Variants in RBFOX1 observed in about 807,000 individuals in gnomAD.
RBFOX1 encodes the protein RNA binding fox-1 homolog 1, also known as RNA binding protein fox-1 homolog 1.
RBFOX1 carries 8 observed loss-of-function variants against 57.7 expected under a neutral mutation model. The ratio of observed to expected loss-of-function variants is 0.14; its 90% confidence interval spans 0.08 to 0.25. RBFOX1 has a LOEUF of 0.25. RBFOX1 is among the 10% of genes least tolerant of loss of function. RBFOX1 has a pLI of 1.00. For synonymous variants in RBFOX1, 326 were observed against 222.4 expected (o/e 1.47, Z -4.15); for missense variants, 611 against 548.5 (o/e 1.11, Z -1.14).
intron 5 of RBFOX1, among the ~76,000 whole-genome samples, chr16:7,548,786 G>T (rs1032514577): frequency 6.6e-6 from 1 of 152,212 alleles, no homozygotes; most frequent in Non-Finnish European, 1.5e-5. Flanking sequence ...GTCTGGAGTT[G>T]TCAGCCTGGC....
At chr16:5,943,389 G>T (rs904078746) in intron 4 of RBFOX1, among the ~76,000 whole-genome samples, 1 of 152,076 alleles carries the variant, frequency 6.6e-6, no homozygotes, top group Non-Finnish European at 1.5e-5. Flanking sequence ...GGTTTCCCTG[G>T]GTCCACATAC....
At chr16:6,736,420 T>C (rs2070325415) in intron 3 of RBFOX1, among the ~76,000 whole-genome samples, 1 of 152,228 alleles carries the variant, frequency 6.6e-6, no homozygotes. Context: ...TGGTTTTCCA[T>C]TCCTGAGTTA....
chr16:6,255,749 G>A (rs2097657260), intron 1 of RBFOX1, among the ~76,000 whole-genome samples: 1 of 152,038 alleles, frequency 6.6e-6, no homozygotes, highest in Non-Finnish European at 1.5e-5. Flanking sequence ...GCAGGGACAT[G>A]GATGAAGCTG....
chr16:5,598,663 A>G (rs1234199870), intron 2 of RBFOX1, among the ~76,000 whole-genome samples: 2 of 152,212 alleles, frequency 1.3e-5, no homozygotes, highest in African/African-American at 4.8e-5. Context: ...TATTTTATGT[A>G]TACAGCCCAT....
chr16:6,099,786 C>G (rs932324958), intron 1 of RBFOX1, among the ~76,000 whole-genome samples: 1 of 152,168 alleles, frequency 6.6e-6, no homozygotes, highest in Non-Finnish European at 1.5e-5. Flanking sequence ...AAAATAAACC[C>G]TAACCCAACT....
chr16:6,531,551 T>G (rs1298385435), intron 2 of RBFOX1, among the ~76,000 whole-genome samples: 1 of 152,208 alleles, frequency 6.6e-6, no homozygotes. Context: ...CATTGGCTTT[T>G]GGAAAATACC....
At chr16:7,238,855 A>G (rs1305780293) in intron 4 of RBFOX1, among the ~76,000 whole-genome samples, 1 of 152,108 alleles carries the variant, frequency 6.6e-6, no homozygotes, top group Admixed American at 6.5e-5. Context: ...ACGTGTTTTT[A>G]TCATTTAGCT....
rs950165877 is a variant in RBFOX1 at position 6,091,730 on chromosome 16, C to T, written c.-127+71738C>T. On this transcript the variant is annotated intron_variant, in intron 1 of 15. Coordinates refer to ENST00000550418, the MANE Select transcript of RBFOX1 (RefSeq NM_018723.4). ...CTGGAATCCCAGCTACCTGGGAGAC[C>T]GAGGCTGGGAGAATTGCTTGAACCT... 3.9e-5 allele frequency among the ~76,000 whole-genome samples: 6 copies of T among 152,106 alleles called. No homozygotes were observed. In the South Asian group the frequency reaches 6.2e-4, roughly 16 times the overall value.
intron 1 of RBFOX1, among the ~76,000 whole-genome samples, chr16:6,172,527 A>T (rs891658928): frequency 3.9e-5 from 6 of 152,168 alleles, no homozygotes; most frequent in Non-Finnish European, 8.8e-5. Context: ...CATGTCCTAC[A>T]GTAGAAAGTC....
chr16:6,294,976 G>A (rs2077909084), intron 1 of RBFOX1, among the ~76,000 whole-genome samples: 1 of 152,104 alleles, frequency 6.6e-6, no homozygotes, highest in African/African-American at 2.4e-5. Context: ...ATTTTCAGGA[G>A]GAATCGGCAT....
chr16:6,794,751 G>C (rs1376827934), intron 3 of RBFOX1, among the ~76,000 whole-genome samples: 2 of 152,142 alleles, frequency 1.3e-5, no homozygotes, highest in Non-Finnish European at 2.9e-5. Context: ...TCATACAAAT[G>C]TGTGGTTGAT....
At chr16:7,619,637 C>T (rs1233776433) in intron 10 of RBFOX1, among the ~76,000 whole-genome samples, 1 of 152,070 alleles carries the variant, frequency 6.6e-6, no homozygotes, top group Non-Finnish European at 1.5e-5. Flanking sequence ...GTCTAGACAG[C>T]TTTTTAGGCT....
intron 3 of RBFOX1, among the ~76,000 whole-genome samples, chr16:6,949,941 TTG>T (rs1383954849): frequency 8.6e-6 from 1 of 116,350 alleles, no homozygotes; most frequent in African/African-American, 3.2e-5. Flanking sequence ...GTACGTTTTT[TTG>T]TTGTTGTTGT....
At chr16:7,388,175 G>C (rs573180001) in intron 4 of RBFOX1, among the ~76,000 whole-genome samples, 1 of 152,086 alleles carries the variant, frequency 6.6e-6, no homozygotes. Context: ...ATTGCATGGA[G>C]CTAGAAAAGA....
rs1212997323 is a variant in RBFOX1, at chr16:7,052,198, C to G, written c.27+100C>G. On this transcript the variant is annotated intron_variant, in intron 4 of 15. Coordinates refer to ENST00000550418, the MANE Select transcript of RBFOX1 (RefSeq NM_018723.4). ...CAAGACACGGGTTCTAAATAACAGG[C>G]TTCATCTTAAGACTGGTAGAGTTGA... is the stretch of plus-strand genomic sequence containing the variant. The G allele has an allele frequency of 3.4e-6, 5 of 1,488,716 alleles. No individual in the cohort carries two copies. The East Asian group carries it at 1.2e-4, about 35-fold the overall frequency. The allele number at this position is 1,488,716 out of a possible 1,614,324, so 92.2% of individuals were successfully genotyped here.
chr16:6,262,517 G>A (rs12923632), intron 1 of RBFOX1, among the ~76,000 whole-genome samples: 147,356 of 152,160 alleles, frequency 0.97, 71,550 homozygotes, highest in East Asian at 1. Flanking sequence ...CACTGCAGCA[G>A]CATCTCATAA....
chr16:6,898,184 A>G (rs1049899450), intron 3 of RBFOX1, among the ~76,000 whole-genome samples: 4 of 152,136 alleles, frequency 2.6e-5, no homozygotes, highest in Non-Finnish European at 5.9e-5. Flanking sequence ...CGGCATTAAG[A>G]ATGCTTACAG....
intron 2 of RBFOX1, among the ~76,000 whole-genome samples, chr16:5,500,287 A>G (rs1428162635): frequency 4.6e-5 from 7 of 151,614 alleles, no homozygotes; most frequent in Admixed American, 3.9e-4. Flanking sequence ...CAGTGGCACA[A>G]TAATGGCTCA....
chr16:6,889,318 T>C (rs1181035757), intron 3 of RBFOX1, among the ~76,000 whole-genome samples: 1 of 152,208 alleles, frequency 6.6e-6, no homozygotes, highest in Non-Finnish European at 1.5e-5. Context: ...GATGTCACTT[T>C]CAAGTGGAAA....
Sources: gnomAD v4.1 joint callset for allele counts (sites outside exome capture counted in the v4.1 genomes callset) on GRCh38, gnomAD v4.1.1 for gene constraint, MANE v1.5 for transcripts, NCBI Gene and HGNC (gene_info 2026-07-23, HGNC 2026-07-21) for gene names.